Variants in THSD7B observed in about 807,000 individuals in gnomAD.
The protein encoded by THSD7B is thrombospondin type 1 domain containing 7B, also known as thrombospondin type-1 domain-containing protein 7B.
A neutral mutation model predicts 213.6 loss-of-function variants in THSD7B; 138 were observed. The observed-to-expected ratio is 0.65, with a 90% confidence interval of 0.56 to 0.74. The LOEUF (loss-of-function observed/expected upper bound fraction) is 0.74, where lower values mean the gene tolerates loss of function less well. Ranked by LOEUF, THSD7B falls within the 30% of genes least tolerant of loss-of-function variation. THSD7B has a pLI of 0.00. For synonymous variants in THSD7B, 742 were observed against 687.0 expected (o/e 1.08, Z -1.25); for missense variants, 1,931 against 1,991.5 (o/e 0.97, Z 0.58).
chr2:137,417,764 G>A (rs116141505), intron 14 of THSD7B, among the ~76,000 whole-genome samples: 46 of 152,206 alleles, frequency 3.0e-4, no homozygotes, highest in East Asian at 5.8e-4. Context: ...CAGTGTCCTG[G>A]CAAAGATTTG....
chr2:137,038,348 A>G (rs1330229536), intron 2 of THSD7B, among the ~76,000 whole-genome samples: 1 of 152,138 alleles, frequency 6.6e-6, no homozygotes, highest in Non-Finnish European at 1.5e-5. Flanking sequence ...ATTTAAACCT[A>G]TCTGATGAAG....
intron 2 of THSD7B, among the ~76,000 whole-genome samples, chr2:136,892,354 C>T (rs1443514732): frequency 6.6e-6 from 1 of 152,152 alleles, no homozygotes; most frequent in African/African-American, 2.4e-5. Context: ...GTTACCTGGC[C>T]ACTCCTAGCC....
chr2:137,428,441 C>T (rs1350404943), intron 14 of THSD7B, among the ~76,000 whole-genome samples: 3 of 152,046 alleles, frequency 2.0e-5, no homozygotes, highest in Non-Finnish European at 4.4e-5. Context: ...CAGAGATGAA[C>T]AATATATCCA....
At chr2:136,913,728 C>T (rs937112667) in intron 2 of THSD7B, among the ~76,000 whole-genome samples, 12 of 152,228 alleles carry the variant, frequency 7.9e-5, no homozygotes, top group African/African-American at 2.7e-4. Context: ...CCTGTGGGTA[C>T]TCAGAAGTCA....
intron 10 of THSD7B, among the ~76,000 whole-genome samples, chr2:137,262,816 C>A (rs989396091): frequency 6.6e-6 from 1 of 152,128 alleles, no homozygotes; most frequent in Non-Finnish European, 1.5e-5. Flanking sequence ...TCAGCTCCAC[C>A]CATCAGGGAT....
intron 2 of THSD7B, among the ~76,000 whole-genome samples, chr2:136,891,594 C>G (rs771935564): frequency 6.6e-6 from 1 of 152,224 alleles, no homozygotes; most frequent in Non-Finnish European, 1.5e-5. Flanking sequence ...GTGGTCCAGA[C>G]TGGAGGCTCC....
intron 4 of THSD7B, among the ~76,000 whole-genome samples, chr2:137,111,175 G>A (rs1245025365): frequency 6.6e-6 from 1 of 152,132 alleles, no homozygotes; most frequent in Non-Finnish European, 1.5e-5. Context: ...TTCTCGAACT[G>A]TACTTGTATT....
At chr2:136,837,114 C>T (rs990193695) in intron 1 of THSD7B, among the ~76,000 whole-genome samples, 4 of 152,188 alleles carry the variant, frequency 2.6e-5, no homozygotes, top group Non-Finnish European at 5.9e-5. Context: ...CCACTCTTAA[C>T]CTGGCGGGTC....
chr2:136,886,507 GA>G (rs912041709), intron 2 of THSD7B, among the ~76,000 whole-genome samples: 7 of 152,150 alleles, frequency 4.6e-5, no homozygotes, highest in African/African-American at 1.7e-4. Flanking sequence ...CCGTGCTGGG[GA>G]CATTTGGCAA....
At chr2:137,032,047 C>A (rs1275645518) in intron 2 of THSD7B, among the ~76,000 whole-genome samples, 1 of 151,934 alleles carries the variant, frequency 6.6e-6, no homozygotes, top group Non-Finnish European at 1.5e-5. Context: ...CGCCATGTTA[C>A]CCAGACTGGT....
chr2:137,065,944 T>G (rs1687367077), intron 3 of THSD7B, among the ~76,000 whole-genome samples: 2 of 151,532 alleles, frequency 1.3e-5, no homozygotes, highest in Admixed American at 1.3e-4. Flanking sequence ...TATTGTTAGA[T>G]CAATTTGCAT....
chr2:137,388,268 AAGGT>A (rs1323667458), intron 12 of THSD7B, among the ~76,000 whole-genome samples: 2 of 152,228 alleles, frequency 1.3e-5, no homozygotes, highest in African/African-American at 4.8e-5. Context: ...TTTATCCTGC[AAGGT>A]AGGTATTATT....
chr2:136,829,056 A>G (rs1199199041), intron 1 of THSD7B, among the ~76,000 whole-genome samples: 5 of 151,962 alleles, frequency 3.3e-5, no homozygotes, highest in African/African-American at 4.8e-5. Flanking sequence ...AGGCCACTCT[A>G]TTACGTATGA....
intron 1 of THSD7B, among the ~76,000 whole-genome samples, chr2:136,768,390 C>A (rs1681445057): frequency 6.6e-6 from 1 of 151,478 alleles, no homozygotes; most frequent in African/African-American, 2.4e-5. Flanking sequence ...TTGTATGATT[C>A]CTTTAAAGAA....
chr2:137,076,923 C>T (rs980140439), intron 3 of THSD7B, among the ~76,000 whole-genome samples: 6 of 151,688 alleles, frequency 4.0e-5, no homozygotes, highest in African/African-American at 1.5e-4. Flanking sequence ...GTGCTACACC[C>T]ATTAACTTGT....
chr2:137,236,035 A>C (rs986866961), intron 9 of THSD7B, among the ~76,000 whole-genome samples: 3 of 152,194 alleles, frequency 2.0e-5, no homozygotes, highest in African/African-American at 4.8e-5. Flanking sequence ...TGTCCAGTGA[A>C]GCACCCAAGG....
rs532732601 is a variant in THSD7B, at chr2:137,314,170, A to T, written c.2500+38144A>T. 2.6e-5 allele frequency among the ~76,000 whole-genome samples: 4 copies of T among 152,140 alleles called. No individual in the cohort carries two copies. The East Asian group carries it at 7.7e-4, about 29-fold the overall frequency. On this transcript the variant is annotated intron_variant, in intron 12 of 27. Transcript: ENST00000409968. ...AATCAGATGTAGATTTGGTCTTTTC[A>T]TATAGTCCCATATTTCTTGGAGGCT... is the stretch of plus-strand genomic sequence containing the variant.
chr2:137,606,605 C>T (rs940586004), intron 17 of THSD7B, among the ~76,000 whole-genome samples: 2 of 152,026 alleles, frequency 1.3e-5, no homozygotes, highest in East Asian at 1.9e-4. Flanking sequence ...GACCCAGTAC[C>T]CCTACTCTGC....
At chr2:137,385,918 T>C (rs191289035) in intron 12 of THSD7B, among the ~76,000 whole-genome samples, 20 of 152,344 alleles carry the variant, frequency 1.3e-4, no homozygotes, top group African/African-American at 4.6e-4. Flanking sequence ...TCTTTGGACT[T>C]GTGGTTCTTA....
Sources: gnomAD v4.1 joint callset for allele counts (sites outside exome capture counted in the v4.1 genomes callset) on GRCh38, gnomAD v4.1.1 for gene constraint, MANE v1.5 for transcripts, NCBI Gene and HGNC (gene_info 2026-07-23, HGNC 2026-07-21) for gene names.